SLC1A1: variants seen among roughly 807,000 people sequenced by gnomAD.
SLC1A1 encodes the protein solute carrier family 1 member 1.
SLC1A1 carries 43 observed loss-of-function variants against 53.3 expected under a neutral mutation model. That is an observed-to-expected ratio of 0.81 (90% CI 0.63 to 1.04). The LOEUF is 1.04. Among genes scored for constraint, SLC1A1 ranks in the 50% least tolerant of loss-of-function variants. The pLI is 0.00. For synonymous variants in SLC1A1, 307 were observed against 243.2 expected (o/e 1.26, Z -2.44); for missense variants, 748 against 664.9 (o/e 1.12, Z -1.37).
chr9:4,501,264 C>A (rs1316748353), intron 1 of SLC1A1, among the ~76,000 whole-genome samples: 3 of 149,388 alleles, frequency 2.0e-5, no homozygotes, highest in Non-Finnish European at 4.5e-5. Context: ...GCAACTGCAA[C>A]CTCCACCTCC....
chr9:4,545,186 G>A (rs1193802435), intron 2 of SLC1A1, among the ~76,000 whole-genome samples: 1 of 47,402 alleles, frequency 2.1e-5, no homozygotes, highest in African/African-American at 7.2e-5. Flanking sequence ...AAATACATTA[G>A]ATGTCTCTCT....
chr9:4,516,450 A>G (rs1821163784), intron 1 of SLC1A1, among the ~76,000 whole-genome samples: 1 of 152,022 alleles, frequency 6.6e-6, no homozygotes, highest in African/African-American at 2.4e-5. Flanking sequence ...ACTCCCTTTT[A>G]CCCAAAGTCT....
Position 4,585,765 on chromosome 9 carries a change from A to T in SLC1A1, c.*207A>T, listed in dbSNP as rs1258532986. 3.3e-6 allele frequency: 2 copies of T among 604,338 alleles called. No homozygotes were observed. The highest frequency in any genetic ancestry group is 4.5e-4 in the Middle Eastern group (1 of 2,246). The allele number at this position is 604,338 out of a possible 1,614,324, so 37.4% of individuals were successfully genotyped here. A position where few individuals can be genotyped will look rare whatever the true frequency, so the allele number is the denominator to read the frequency against. ...GTGTGGGGTAAGTTGAAGGGAAATC[A>T]ATTTAAAGGAAAGTTCTATTATCTG... On this transcript the variant is annotated 3_prime_UTR_variant, in exon 12 of 12. Transcript: ENST00000262352.
At chr9:4,507,891 G>T (rs565010988) in intron 1 of SLC1A1, among the ~76,000 whole-genome samples, 35 of 152,278 alleles carry the variant, frequency 2.3e-4, no homozygotes, top group African/African-American at 8.4e-4. Context: ...GGCTTCCTAA[G>T]ATTGTGTAGT....
chr9:4,576,642 G>A lies in SLC1A1; in HGVS notation c.1072G>A (p.Val358Met), dbSNP rs376223134. Reference protein sequence around the residue: ...NQVDKRITRFVLPVGATINMD... With the variant: ...NQVDKRITRFMLPVGATINMD... ...GGTGGACAAGAGGATCACTCGATTC[G>A]TGTTACCCGTTGGTGCAACAATCAA... Residue 358 changes from valine (V) to methionine (M), a missense_variant, in exon 10 of 12, where the codon GTG becomes ATG. Val to Met is a conservative substitution (Grantham distance 21, BLOSUM62 1). Transcript: ENST00000262352. The A allele has an allele frequency of 1.9e-5, 30 of 1,614,012 alleles. No individual in the cohort carries two copies. The highest frequency in any genetic ancestry group is 6.7e-5 in the African/African-American group (5 of 74,934).
chr9:4,543,354 G>A (rs1817179399), intron 1 of SLC1A1, among the ~76,000 whole-genome samples: 1 of 152,262 alleles, frequency 6.6e-6, no homozygotes, highest in Admixed American at 6.5e-5. Context: ...AGATGCAAAA[G>A]TCATCCCATT....
At position 4,585,545 on chromosome 9, in the gene SLC1A1, C is replaced by T; in HGVS notation, c.1562C>T (p.Thr521Ile). The change falls in exon 12 of 12, where the codon ACC (threonine) becomes ATC (isoleucine). Residue 521 changes from threonine to isoleucine, a missense_variant. Physicochemically the swap from Thr to Ile is moderately conservative, Grantham distance 89 (BLOSUM62 -1). Transcript: ENST00000262352. ...DKSDTISFTQTSQF is the reference protein window; with the variant it reads ...DKSDTISFTQISQF ...TCTGACACCATCTCATTCACCCAGA[C>T]CTCACAGTTCTAGGGCCCCTGGCTG... The T allele has an allele frequency of 6.2e-7, 1 of 1,614,202 alleles. No homozygotes were observed. The highest frequency in any genetic ancestry group is 8.5e-7 in the Non-Finnish European group (1 of 1,180,028).
At chr9:4,534,270 G>A (rs990420383) in intron 1 of SLC1A1, among the ~76,000 whole-genome samples, 1 of 152,126 alleles carries the variant, frequency 6.6e-6, no homozygotes, top group Non-Finnish European at 1.5e-5. Context: ...ATGAATCCAG[G>A]AGCTGGTTTT....
At chr9:4,528,098 G>A (rs1816328132) in intron 1 of SLC1A1, among the ~76,000 whole-genome samples, 1 of 152,138 alleles carries the variant, frequency 6.6e-6, no homozygotes, top group Admixed American at 6.5e-5. Flanking sequence ...GATATTAGGA[G>A]CATGGACACT....
intron 6 of SLC1A1, among the ~76,000 whole-genome samples, chr9:4,571,400 G>A (rs1373245025): frequency 1.3e-5 from 2 of 152,174 alleles, no homozygotes; most frequent in African/African-American, 4.8e-5. Flanking sequence ...TCCTGGCTGG[G>A]CACAGTGGCT....
intron 1 of SLC1A1, among the ~76,000 whole-genome samples, chr9:4,511,566 TACACACACACACACACAC>T (rs113277990): frequency 2.1e-5 from 3 of 146,238 alleles, no homozygotes; most frequent in Non-Finnish European, 3.0e-5. Context: ...TTAAGAATTC[TACACACACACACACACAC>T]ACACACACAC....
At chr9:4,539,054 A>C (rs1343050625) in intron 1 of SLC1A1, among the ~76,000 whole-genome samples, 1 of 151,306 alleles carries the variant, frequency 6.6e-6, no homozygotes, top group African/African-American at 2.4e-5. Context: ...ATTCTTATTT[A>C]ATCAAGCCAA....
intron 2 of SLC1A1, among the ~76,000 whole-genome samples, chr9:4,555,976 A>G (rs369700429): frequency 6.4e-5 from 9 of 140,286 alleles, no homozygotes; most frequent in Middle Eastern, 3.6e-3. Context: ...ATAGACATAC[A>G]AAATACTAGC....
intron 1 of SLC1A1, 80 bp from the exon 2 acceptor site, chr9:4,544,487 G>C: frequency 1.6e-6 from 2 of 1,218,950 alleles, no homozygotes; most frequent in Non-Finnish European, 2.4e-6. Flanking sequence ...TGTGCATTTG[G>C]GAGTATTTTT....
chr9:4,578,175 G>C (rs1262906090), intron 10 of SLC1A1, among the ~76,000 whole-genome samples: 2 of 152,212 alleles, frequency 1.3e-5, no homozygotes, highest in Non-Finnish European at 2.9e-5. Flanking sequence ...CAGACATCAG[G>C]AACATGGGCT....
At chr9:4,553,034 C>T (rs139700354) in intron 2 of SLC1A1, among the ~76,000 whole-genome samples, 10 of 152,008 alleles carry the variant, frequency 6.6e-5, no homozygotes, top group South Asian at 4.2e-4. Flanking sequence ...CCTAGAAGTC[C>T]GAGATACCAA....
chr9:4,525,503 T>C (rs555334747), intron 1 of SLC1A1, among the ~76,000 whole-genome samples: 1 of 152,008 alleles, frequency 6.6e-6, no homozygotes, highest in African/African-American at 2.4e-5. Flanking sequence ...AATTACAAAT[T>C]ACACAGGAAA....
At chr9:4,531,765 G>A (rs531968869) in intron 1 of SLC1A1, among the ~76,000 whole-genome samples, 8 of 152,242 alleles carry the variant, frequency 5.3e-5, no homozygotes, top group Admixed American at 3.9e-4. Context: ...CTCCTCAAGT[G>A]GGTCCCTGAC....
At chr9:4,519,853 C>A (rs17755904) in intron 1 of SLC1A1, among the ~76,000 whole-genome samples, 5,115 of 152,272 alleles carry the variant, frequency 0.034, 146 homozygotes, top group South Asian at 0.056. Flanking sequence ...GGGACCCGGA[C>A]CACATGTCCT....
Sources: allele counts gnomAD v4.1 joint callset (sites outside exome capture counted in the v4.1 genomes callset), GRCh38; gene constraint gnomAD v4.1.1; transcripts MANE v1.5; gene names NCBI Gene and HGNC (gene_info 2026-07-23, HGNC 2026-07-21).